GALNT10: variants seen among roughly 807,000 people sequenced by gnomAD.
The protein encoded by GALNT10 is GalNAc transferase 10.
A neutral mutation model predicts 75.0 loss-of-function variants in GALNT10; 41 were observed. That is an observed-to-expected ratio of 0.55 (90% CI 0.43 to 0.71). GALNT10 has a LOEUF of 0.71. Among genes scored for constraint, GALNT10 ranks in the 30% least tolerant of loss-of-function variants. The pLI is 0.00. For missense variants in GALNT10, 727 were observed against 818.5 expected (o/e 0.89, Z 1.36); for synonymous variants, 302 against 313.0 (o/e 0.96, Z 0.37).
At chr5:154,244,794 G>A (rs1257547712) in intron 1 of GALNT10, among the ~76,000 whole-genome samples, 1 of 152,216 alleles carries the variant, frequency 6.6e-6, no homozygotes, top group Non-Finnish European at 1.5e-5. Context: ...CACTGCTGGG[G>A]TATATCTTCA....
chr5:154,247,609 T>C, intron 1 of GALNT10, among the ~76,000 whole-genome samples: 1 of 152,208 alleles, frequency 6.6e-6, no homozygotes, highest in East Asian at 1.9e-4. Context: ...TGGCTCTCTG[T>C]TTGTCTGTTA....
chr5:154,326,447 A>G (rs566321949), intron 3 of GALNT10, among the ~76,000 whole-genome samples: 10 of 152,260 alleles, frequency 6.6e-5, no homozygotes, highest in Non-Finnish European at 1.2e-4. Context: ...TTGCACATGA[A>G]TGTTCATATT....
intron 1 of GALNT10, among the ~76,000 whole-genome samples, chr5:154,270,576 A>G (rs1219157345): frequency 6.6e-6 from 1 of 152,118 alleles, no homozygotes; most frequent in Non-Finnish European, 1.5e-5. Context: ...TTCACGTTAC[A>G]AAACGCTTTC....
intron 1 of GALNT10, among the ~76,000 whole-genome samples, chr5:154,224,267 C>T (rs1753027711): frequency 6.6e-6 from 1 of 152,194 alleles, no homozygotes; most frequent in African/African-American, 2.4e-5. Context: ...TTGGGGCCCC[C>T]AGCTAGGTCA....
chr5:154,218,793 G>A (rs1416262701), intron 1 of GALNT10, among the ~76,000 whole-genome samples: 1 of 152,120 alleles, frequency 6.6e-6, no homozygotes, highest in Non-Finnish European at 1.5e-5. Context: ...GCAAGGAAAA[G>A]GTAATCATAC....
intron 4 of GALNT10, among the ~76,000 whole-genome samples, chr5:154,365,648 A>C (rs1755463497): frequency 6.6e-6 from 1 of 152,094 alleles, no homozygotes; most frequent in South Asian, 2.1e-4. Flanking sequence ...TTTACATCAC[A>C]TACTCTATAG....
rs1755650484 is a variant in GALNT10 at position 154,376,272 on chromosome 5, C to T, written c.569-5C>T. The T allele has an allele frequency of 6.3e-7, 1 of 1,595,128 alleles. No homozygotes were observed. Among genetic ancestry groups the T allele is most frequent in the African/African-American group, 1.3e-5 (1 of 74,412 alleles). ...CTCACTCTTCTGTCCTCTTCTGTCT[C>T]ATAGAGCACCTGAAGAAGCCTCTTG... On this transcript the variant is annotated splice_region_variant and splice_polypyrimidine_tract_variant and intron_variant, in intron 4 of 11. Transcript: ENST00000297107. This position sits in a 1 kb window ranked among gnomAD's most constrained non-coding sequence, Gnocchi z 4.1.
intron 1 of GALNT10, among the ~76,000 whole-genome samples, chr5:154,194,151 A>C (rs752588511): frequency 6.6e-6 from 1 of 152,240 alleles, no homozygotes; most frequent in Non-Finnish European, 1.5e-5. Flanking sequence ...TCTCTTGTTG[A>C]AAAATGACTT....
intron 1 of GALNT10, among the ~76,000 whole-genome samples, chr5:154,197,955 A>G (rs781036320): frequency 6.6e-6 from 1 of 152,162 alleles, no homozygotes; most frequent in African/African-American, 2.4e-5. Flanking sequence ...TGAGCAGGAC[A>G]AAGGACCTGT....
intron 7 of GALNT10, among the ~76,000 whole-genome samples, chr5:154,396,201 T>TATGAATGAATGAATGAATGAATGA (rs5872378): frequency 6.1e-4 from 92 of 151,160 alleles, no homozygotes; most frequent in African/African-American, 2.2e-3. Flanking sequence ...CCAGATCATG[T>TATGAATGAATGAATGAATGAATGA]ATGAATGAAT....
In GALNT10 at chr5:154,208,087, T is replaced by C. The variant is rs1030622265; in HGVS notation, c.159+17062T>C. ...TCCTGACCTGGAAGGCTCAGCCTGC[T>C]GTGTAGCTGGCATTTAGGTCTGCAG... is the stretch of plus-strand genomic sequence containing the variant. On this transcript the variant is annotated intron_variant, in intron 1 of 11. Coordinates refer to ENST00000297107, the MANE Select transcript of GALNT10 (RefSeq NM_198321.4). 3.9e-5 allele frequency among the ~76,000 whole-genome samples: 6 copies of C among 152,224 alleles called. No individual in the cohort carries two copies. The South Asian group carries it at 8.3e-4, about 21-fold the overall frequency.
At chr5:154,224,104 G>A (rs1034549858) in intron 1 of GALNT10, among the ~76,000 whole-genome samples, 1 of 152,188 alleles carries the variant, frequency 6.6e-6, no homozygotes, top group African/African-American at 2.4e-5. Flanking sequence ...GGGCTTAGAA[G>A]TTTGAATTTG....
intron 1 of GALNT10, among the ~76,000 whole-genome samples, chr5:154,239,059 G>A (rs1336672618): frequency 1.3e-5 from 2 of 152,158 alleles, no homozygotes; most frequent in East Asian, 3.9e-4. Flanking sequence ...TTCCCTCTTA[G>A]TGCTTCTCTT....
chr5:154,260,685 G>A (rs1426229908), intron 1 of GALNT10, among the ~76,000 whole-genome samples: 1 of 152,174 alleles, frequency 6.6e-6, no homozygotes, highest in East Asian at 1.9e-4. Flanking sequence ...TTTCTCAAGG[G>A]AGTAAAGTAG....
At chr5:154,351,594 T>C (rs1472483098) in intron 4 of GALNT10, among the ~76,000 whole-genome samples, 1 of 152,248 alleles carries the variant, frequency 6.6e-6, no homozygotes, top group Non-Finnish European at 1.5e-5. Context: ...GCACACACCT[T>C]GTTCCTGGCT....
intron 1 of GALNT10, among the ~76,000 whole-genome samples, chr5:154,254,316 A>G (rs1337735236): frequency 6.6e-6 from 1 of 152,150 alleles, no homozygotes; most frequent in Non-Finnish European, 1.5e-5. Context: ...TGTTGCTTCT[A>G]TGGCCATCTT....
At chr5:154,277,329 G>A (rs925683295) in intron 1 of GALNT10, among the ~76,000 whole-genome samples, 1 of 151,786 alleles carries the variant, frequency 6.6e-6, no homozygotes, top group African/African-American at 2.4e-5. Flanking sequence ...GGAGGAAGAA[G>A]GATGAGAAAT....
At chr5:154,197,283 A>G (rs559517976) in intron 1 of GALNT10, among the ~76,000 whole-genome samples, 1 of 151,976 alleles carries the variant, frequency 6.6e-6, no homozygotes, top group South Asian at 2.1e-4. Flanking sequence ...GCCCCCATAC[A>G]CACTAAAAGT....
chr5:154,417,180 A>AG lies in GALNT10; in HGVS notation c.*208_*209insG, dbSNP rs1756532273. The stretch of plus-strand genomic sequence containing the variant: ...GGGTAGGGTGAAGAGCATATCCCAC[A>AG]AGAGGCCCCACAGGGAGCAGAGACT... On this transcript the variant is annotated 3_prime_UTR_variant, in exon 12 of 12. Coordinates refer to ENST00000297107, the MANE Select transcript of GALNT10 (RefSeq NM_198321.4). 2 of 570,556 alleles carry AG rather than the reference A, an allele frequency of 3.5e-6. No homozygotes were observed. The highest frequency in any genetic ancestry group is 6.1e-5 in the Admixed American group (2 of 32,726). The allele number at this position is 570,556 out of a possible 1,614,324, so 35.3% of individuals were successfully genotyped here.
Sources: gnomAD v4.1 joint callset for allele counts (sites outside exome capture counted in the v4.1 genomes callset) on GRCh38, gnomAD v4.1.1 for gene constraint, Gnocchi (gnomAD v3.1) non-coding constraint, MANE v1.5 for transcripts, NCBI Gene and HGNC (gene_info 2026-07-23, HGNC 2026-07-21) for gene names.